The following PODNL1 variants were observed in gnomAD, a reference collection of about 807,000 sequenced individuals.
PODNL1 encodes podocan-like protein 1.
A neutral mutation model predicts 45.1 loss-of-function variants in PODNL1; 50 were observed. The observed-to-expected ratio is 1.11, with a 90% CI of 0.88 to 1.40. PODNL1 has a LOEUF of 1.40. PODNL1 is among the 40% of genes most tolerant of loss of function. The probability of loss-of-function intolerance (pLI) is 0.00; values close to 1 mark genes in which losing one functional copy is unlikely to be tolerated. For synonymous variants in PODNL1, 406 were observed against 372.5 expected (o/e 1.09, Z -1.04); for missense variants, 788 against 793.3 (o/e 0.99, Z 0.08).
At chr19:13,939,927 G>C (rs1376907453), upstream of PODNL1, 1 of 152,062 alleles carries the variant, frequency 6.6e-6, no homozygotes, top group East Asian at 1.9e-4. Context: ...CACAGTCCCA[G>C]GTACTCAGGA....
Position 13,931,800 on chromosome 19 carries a change from C to T in PODNL1, c.1662G>A (p.Pro554=), listed in dbSNP as rs1013721891. 8.9e-6 allele frequency: 11 copies of T among 1,231,842 alleles called. 1 individual carries two copies. The highest frequency in any genetic ancestry group is 3.1e-4 in the Middle Eastern group (1 of 3,210). 76.3% of individuals were successfully genotyped at this position (1,231,842 alleles called of 1,614,324 possible). ...GAGGCAGCCGGATCAGGACCTGCTC[C>T]GGATTCCCTGCCGTGTCCACCACAC... ...NLRVVDTAGN[P]EQVLIRLPPT... The change falls in exon 10 of 10, where the codon CCG becomes CCA. Residue 554 remains proline (P), a synonymous_variant. Coordinates refer to ENST00000588872, the MANE Select transcript of PODNL1 (RefSeq NM_001370095.3).
exon 1 of PODNL1, chr19:13,953,261 C>T (rs1035723844): frequency 2.1e-6 from 2 of 964,964 alleles, no homozygotes; most frequent in African/African-American, 1.7e-5. Context: ...GTCTCTCTCC[C>T]CCATCAGTTT....
Position 13,932,071 on chromosome 19 carries a change from C to T in PODNL1, c.1467G>A (p.Pro489=), listed in dbSNP as rs573023414. ...GCTCCTCTAGGGCCTCAGGCAGGTC[C>T]GGGGGCACAAAGGACAGCTCATTGT... ...LSHNELSFVP[P]DLPEALEELH... is the part of the protein sequence containing the mutation. The change falls in exon 9 of 10, where the codon CCG becomes CCA. Residue 489 remains proline (P), a synonymous_variant. Transcript: ENST00000588872. 24 of 1,232,740 alleles carry T rather than the reference C, an allele frequency of 1.9e-5. No homozygotes were observed. The highest frequency in any genetic ancestry group is 1.6e-4 in the South Asian group (4 of 24,344). 76.4% of individuals were successfully genotyped at this position (1,232,740 alleles called of 1,614,324 possible).
At chr19:13,953,286 G>T in exon 1 of PODNL1, 1 of 700,270 alleles carries the variant, frequency 1.4e-6, no homozygotes, top group Non-Finnish European at 2.3e-6. Context: ...GCTCTGGAGG[G>T]CAGAAATGTG....
rs55873182 is a variant in PODNL1, at chr19:13,937,774, G to C, written c.225+11C>G. Reference sequence around the variant, plus strand: ...GCCCTGCATGCCCCCACTCCCCTCCGTGGGCCCCACCTGCAGGGAGAGGTG... The same window carrying C: ...GCCCTGCATGCCCCCACTCCCCTCCCTGGGCCCCACCTGCAGGGAGAGGTG... On this transcript the variant is annotated intron_variant, in intron 2 of 9. Transcript: ENST00000588872. 293,598 of 1,567,060 alleles carry C rather than the reference G, an allele frequency of 0.19. 30,191 individuals carry two copies. Among genetic ancestry groups the C allele is most frequent in the African/African-American group, 0.37 (27,604 of 74,200 alleles).
rs1466123348 is a variant in PODNL1, at chr19:13,933,400, G to A, written c.823C>T (p.Pro275Ser). ...DLSHNQLTTVPAGLPRTLAIL... is the reference protein window; with the variant it reads ...DLSHNQLTTVSAGLPRTLAIL... ...GCCAGGGTCCGGGGCAGGCCGGCGGGCACTGTGGTCAGCTGGTTGTGGGAG... is the reference window on the plus strand; with the variant it reads ...GCCAGGGTCCGGGGCAGGCCGGCGGACACTGTGGTCAGCTGGTTGTGGGAG... The change falls in exon 8 of 10, where the codon CCC becomes TCC. Residue 275 changes from proline (P) to serine (S), a missense_variant. Physicochemically the swap from Pro to Ser is moderately conservative, Grantham distance 74. Around this residue, in one of 3 missense-constraint regions of PODNL1, gnomAD observed 762 missense variants for 750.9 expected, o/e 1.01. Transcript: ENST00000588872. The surrounding 1 kb of genome is among the most constrained non-coding windows in gnomAD (Gnocchi z 5.2). 11 of 1,602,226 alleles carry A rather than the reference G, an allele frequency of 6.9e-6. No homozygotes were observed. Among genetic ancestry groups the A allele is most frequent in the South Asian group, 1.1e-5 (1 of 90,384 alleles).
At chr19:13,935,109 G>T (rs1447438191) in intron 5 of PODNL1, among the ~76,000 whole-genome samples, 1 of 151,698 alleles carries the variant, frequency 6.6e-6, no homozygotes, top group African/African-American at 2.4e-5. Flanking sequence ...TGTTCATGTG[G>T]TTGTGTGTGC....
chr19:13,933,489 A>T lies in PODNL1; in HGVS notation c.768-34T>A. ...AGAGAGGGTCGGTGTTAGGTGGGGC[A>T]CTTGGAGTGGGGTGCCTGACAGATT... On this transcript the variant is annotated intron_variant, in intron 7 of 9. Transcript: ENST00000588872. This position sits in a 1 kb window ranked among gnomAD's most constrained non-coding sequence, Gnocchi z 5.2. 1.3e-6 allele frequency: 2 copies of T among 1,522,154 alleles called. No homozygotes were observed. Among genetic ancestry groups the T allele is most frequent in the South Asian group, 2.5e-5 (2 of 79,196 alleles). 94.3% of individuals were successfully genotyped at this position (1,522,154 alleles called of 1,614,324 possible). A position where few individuals can be genotyped will look rare whatever the true frequency, so the allele number is the denominator to read the frequency against.
chr19:13,934,797 G>C (rs1972223532), intron 5 of PODNL1, among the ~76,000 whole-genome samples: 1 of 152,082 alleles, frequency 6.6e-6, no homozygotes, highest in African/African-American at 2.4e-5. Context: ...GTGAGTGTGT[G>C]CATGTGATTG....
chr19:13,934,356 G>C lies in PODNL1; in HGVS notation c.549C>G (p.Ala183=), dbSNP rs1972175713. Reference sequence around the variant, plus strand: ...TGGCGATGGCCTCGGAGCCGCGGAAGGCGTCGGGGGGCAGGCCAGCGTTGC... The same window carrying C: ...TGGCGATGGCCTCGGAGCCGCGGAACGCGTCGGGGGGCAGGCCAGCGTTGC... ...QLSNAGLPPD[A]FRGSEAIATL... is the part of the protein sequence containing the mutation. Residue 183 remains alanine, a synonymous_variant, in exon 6 of 10, where the codon GCC becomes GCG. Coordinates refer to ENST00000588872, the MANE Select transcript of PODNL1 (RefSeq NM_001370095.3). 2 of 1,554,308 alleles carry C rather than the reference G, an allele frequency of 1.3e-6. No individual in the cohort carries two copies. The highest frequency in any genetic ancestry group is 8.7e-7 in the Non-Finnish European group (1 of 1,152,590).
chr19:13,932,755 G>A lies in PODNL1; in HGVS notation c.1425+43C>T, dbSNP rs376555657. ...ACGTGGCAGGGCAGGCAGGGGGATG[G>A]AGGGGCCCTGGGGACAGTGTGGCTA... is the stretch of plus-strand genomic sequence containing the variant. On this transcript the variant is annotated intron_variant, in intron 8 of 9. Coordinates refer to ENST00000588872, the MANE Select transcript of PODNL1 (RefSeq NM_001370095.3). 33 of 1,612,594 alleles carry A rather than the reference G, an allele frequency of 2.0e-5. No homozygotes were observed. Among genetic ancestry groups the A allele is most frequent in the Middle Eastern group, 3.3e-4 (2 of 6,060 alleles).
chr19:13,935,697 G>GGCCTGGGC, intron 5 of PODNL1, 24 bp downstream of exon 5: 1 of 1,489,704 alleles, frequency 6.7e-7, no homozygotes, highest in Non-Finnish European at 9.0e-7. Context: ...GAGGCCTGGG[G>GGCCTGGGC]GCCTGGGCTG....
At chr19:13,934,830 C>T (rs1418379980) in intron 5 of PODNL1, among the ~76,000 whole-genome samples, 2 of 151,156 alleles carry the variant, frequency 1.3e-5, no homozygotes, top group African/African-American at 2.4e-5. Context: ...TGCATGTGTG[C>T]ATGCCTGTGC....
At position 13,933,583 on chromosome 19, in the gene PODNL1, G is replaced by A. The variant is rs1275620080; in HGVS notation, c.768-128C>T. ...GGAGATTTTGACTTGGGAGTGATGCGTGGAGAGAGCTGGGTGGGAGGTAAA... is the reference window on the plus strand; with the variant it reads ...GGAGATTTTGACTTGGGAGTGATGCATGGAGAGAGCTGGGTGGGAGGTAAA... On this transcript the variant is annotated intron_variant, in intron 7 of 9. Coordinates refer to ENST00000588872, the MANE Select transcript of PODNL1 (RefSeq NM_001370095.3). This position sits in a 1 kb window ranked among gnomAD's most constrained non-coding sequence, Gnocchi z 5.2. The A allele has an allele frequency of 3.7e-6, 4 of 1,076,754 alleles. No individual in the cohort carries two copies. The highest frequency in any genetic ancestry group is 3.3e-5 in the South Asian group (2 of 60,522). 66.7% of individuals were successfully genotyped at this position (1,076,754 alleles called of 1,614,324 possible).
At chr19:13,952,629 G>C in intron 1 of PODNL1, 1 of 1,271,350 alleles carries the variant, frequency 7.9e-7, no homozygotes, top group Non-Finnish European at 9.9e-7. Context: ...TCCTCAAGCA[G>C]CTGGAGCGGG....
At chr19:13,943,679 GT>G (rs1431090908) in intron 1 of PODNL1, among the ~76,000 whole-genome samples, 2 of 151,990 alleles carry the variant, frequency 1.3e-5, no homozygotes, top group African/African-American at 4.8e-5. Context: ...AGCCAGGATG[GT>G]TTCGATCTCC....
upstream of PODNL1, among the ~76,000 whole-genome samples, chr19:13,942,123 C>CT (rs1303439339): frequency 3.3e-5 from 5 of 152,130 alleles, no homozygotes; most frequent in Non-Finnish European, 5.9e-5. Context: ...TGTTTGAGTT[C>CT]CGGGCAAGCC....
At chr19:13,942,578 C>T (rs1972689267), upstream of PODNL1, among the ~76,000 whole-genome samples, 1 of 152,186 alleles carries the variant, frequency 6.6e-6, no homozygotes, top group Non-Finnish European at 1.5e-5. Flanking sequence ...TTCTGCATTA[C>T]CCAGCAGGGG....
In PODNL1 at chr19:13,933,737, C is replaced by T. The variant is rs1972128728; in HGVS notation, c.767+141G>A. ...GCTGTGGGGAACAGGGACACCTACC[C>T]AGTGCTCTGCCGAGCCCAGTGAGCA... On this transcript the variant is annotated intron_variant, in intron 7 of 9. Transcript: ENST00000588872. This position sits in a 1 kb window ranked among gnomAD's most constrained non-coding sequence, Gnocchi z 5.2. 4.0e-6 allele frequency: 3 copies of T among 741,574 alleles called. No homozygotes were observed. The highest frequency in any genetic ancestry group is 4.5e-6 in the Non-Finnish European group (2 of 445,706). 45.9% of individuals were successfully genotyped at this position (741,574 alleles called of 1,614,324 possible). A position where few individuals can be genotyped will look rare whatever the true frequency, so the allele number is the denominator to read the frequency against.
Sources: gnomAD v4.1 joint callset for allele counts (sites outside exome capture counted in the v4.1 genomes callset) on GRCh38, gnomAD v4.1.1 for gene constraint, gnomAD v4.1.1 regional missense constraint, Gnocchi (gnomAD v3.1) non-coding constraint, MANE v1.5 for transcripts, NCBI Gene and HGNC (gene_info 2026-07-23, HGNC 2026-07-21) for gene names.